Variants in KCNQ1 observed in about 807,000 individuals in gnomAD.
KCNQ1 encodes potassium voltage-gated channel subfamily Q member 1, also known as potassium voltage-gated channel subfamily KQT member 1.
A neutral mutation model predicts 72.4 loss-of-function variants in KCNQ1; 49 were observed. The observed-to-expected ratio is 0.68, with a 90% CI of 0.54 to 0.86. KCNQ1 has a LOEUF of 0.86. Among genes scored for constraint, KCNQ1 ranks in the 40% least tolerant of loss-of-function variants. The pLI is 0.00. For synonymous variants in KCNQ1, 450 were observed against 412.6 expected, an observed-to-expected ratio of 1.09 and a Z score of -1.10; for missense variants, 790 against 945.1, an observed-to-expected ratio of 0.84 and a Z score of 2.15.
chr11:2,834,208 GGGTTGTGTA>G (rs1848016044), intron 15 of KCNQ1, among the ~76,000 whole-genome samples: 1 of 152,134 alleles, frequency 6.6e-6, no homozygotes, highest in South Asian at 2.1e-4. Flanking sequence ...GGCTGGGGCT[GGGTTGTGTA>G]GCATGTGGAG....
At position 2,610,274 on chromosome 11, in the gene KCNQ1, G is replaced by T. The variant is rs1848957802; in HGVS notation, c.1393+21420G>T. ...TGAGATACAGAAGTTATTCCTGTAT[G>T]AGTTTATTCAGTTTTACCACTTTTT... is the stretch of plus-strand genomic sequence containing the variant. On this transcript the variant is annotated intron_variant, in intron 10 of 15. Transcript: ENST00000155840. The T allele has an allele frequency of 7.5e-6, 3 of 397,772 alleles. No homozygotes were observed. The Admixed American group carries it at 1.3e-4, about 18-fold the overall frequency. The allele number at this position is 397,772 out of a possible 1,614,324, so 24.6% of individuals were successfully genotyped here. A position where few individuals can be genotyped will look rare whatever the true frequency, so the allele number is the denominator to read the frequency against.
At position 2,683,055 on chromosome 11, in the gene KCNQ1, A is replaced by T. The variant is rs1850424929; in HGVS notation, c.1514+20974A>T. 2.5e-6 allele frequency: 1 copy of T among 398,672 alleles called. No homozygotes were observed. The allele number at this position is 398,672 out of a possible 1,614,324, so 24.7% of individuals were successfully genotyped here. On this transcript the variant is annotated intron_variant, in intron 11 of 15. Coordinates refer to ENST00000155840, the MANE Select transcript of KCNQ1 (RefSeq NM_000218.3). The surrounding 1 kb of genome is among the most constrained non-coding windows in gnomAD (Gnocchi z 4.7). The stretch of plus-strand genomic sequence containing the variant: ...TGACCTTCTCCCACTTCTTACAGGC[A>T]AGGCTCTTGCTAGCCTGAGGACCAG...
At chr11:2,705,587 CG>C in intron 11 of KCNQ1, among the ~76,000 whole-genome samples, 1 of 152,304 alleles carries the variant, frequency 6.6e-6, no homozygotes, top group South Asian at 2.1e-4. Flanking sequence ...ATCCCAAGCT[CG>C]GGGTGTGTGC....
At chr11:2,778,659 C>A (rs1303464308) in intron 15 of KCNQ1, among the ~76,000 whole-genome samples, 2 of 152,188 alleles carry the variant, frequency 1.3e-5, no homozygotes, top group Non-Finnish European at 2.9e-5. Context: ...TTTCTCGGGC[C>A]CATGGCTGAG....
In KCNQ1 at chr11:2,698,861, C is replaced by G; in HGVS notation, c.1514+36780C>G. 5.0e-6 allele frequency: 2 copies of G among 398,818 alleles called. No individual in the cohort carries two copies. Among genetic ancestry groups the G allele is most frequent in the Middle Eastern group, 1.3e-3 (2 of 1,588 alleles). The allele number at this position is 398,818 out of a possible 1,614,324, so 24.7% of individuals were successfully genotyped here. The stretch of plus-strand genomic sequence containing the variant: ...CCACCATGCGGACTCCAGACCCGGA[C>G]TGACTGGGACCCCAACTACTCAGAT... On this transcript the variant is annotated intron_variant, in intron 11 of 15. Transcript: ENST00000155840. This position sits in a 1 kb window ranked among gnomAD's most constrained non-coding sequence, Gnocchi z 5.1.
At chr11:2,666,644 G>T in intron 11 of KCNQ1, 1 of 398,682 alleles carries the variant, frequency 2.5e-6, no homozygotes, top group South Asian at 1.3e-4. Flanking sequence ...TGGCTTCATG[G>T]ACCAAGGGGC....
chr11:2,559,842 C>T lies in KCNQ1; in HGVS notation c.478-10786C>T, dbSNP rs971792201. Among the ~76,000 whole-genome samples the T allele has an allele frequency of 6.6e-6, 1 of 151,902 alleles. No individual in the cohort carries two copies. The highest frequency in any genetic ancestry group is 2.4e-5 in the African/African-American group (1 of 41,340). On this transcript the variant is annotated intron_variant, in intron 2 of 15. Coordinates refer to ENST00000155840, the MANE Select transcript of KCNQ1 (RefSeq NM_000218.3). This position sits in a 1 kb window ranked among gnomAD's most constrained non-coding sequence, Gnocchi z 4.9. ...GCTGCCTGCTTCCTGGGCAGGGGCT[C>T]CTTCCTCCCTCTCTGTCTCTGGGGT...
chr11:2,574,354 C>G (rs571637013), intron 6 of KCNQ1, among the ~76,000 whole-genome samples: 23 of 151,734 alleles, frequency 1.5e-4, no homozygotes. Context: ...TCACTCAGTC[C>G]GATAACAGGT....
intron 12 of KCNQ1, chr11:2,771,433 A>G (rs1449375723): frequency 6.6e-6 from 1 of 152,266 alleles, no homozygotes; most frequent in Non-Finnish European, 1.5e-5. Context: ...TTGTTGGAGC[A>G]TTCGTTGAAT....
Position 2,767,156 on chromosome 11 carries a change from G to A in KCNQ1, c.1515-1688G>A, listed in dbSNP as rs1373393251. 1.3e-5 allele frequency among the ~76,000 whole-genome samples: 2 copies of A among 151,342 alleles called. No homozygotes were observed. The highest frequency in any genetic ancestry group is 2.9e-5 in the Non-Finnish European group (2 of 67,840). On this transcript the variant is annotated intron_variant, in intron 11 of 15. Coordinates refer to ENST00000155840, the MANE Select transcript of KCNQ1 (RefSeq NM_000218.3). The surrounding 1 kb of genome is among the most constrained non-coding windows in gnomAD (Gnocchi z 4.6). ...GCACTCCAGCCTGGCAATAGAGCGA[G>A]ACTCCATCTATATGTGTGTGTGTGT...
intron 11 of KCNQ1, among the ~76,000 whole-genome samples, chr11:2,733,849 C>CTCTCGCTCTT (rs1564875399): frequency 8.5e-5 from 3 of 35,192 alleles, no homozygotes; most frequent in African/African-American, 3.4e-4. Context: ...CTCTCTCTCT[C>CTCTCGCTCTT]TCTCTCTCCC....
intron 12 of KCNQ1, among the ~76,000 whole-genome samples, chr11:2,770,558 C>T (rs1846577091): frequency 6.6e-6 from 1 of 152,240 alleles, no homozygotes; most frequent in Non-Finnish European, 1.5e-5. Flanking sequence ...GCTGGCCCTC[C>T]CACCTGCATC....
Position 2,592,678 on chromosome 11 carries a change from A to T in KCNQ1, c.1393+3824A>T, listed in dbSNP as rs2133766686. The stretch of plus-strand genomic sequence containing the variant: ...CTTGGCAGTGTCAAAGGGACTGGGG[A>T]CCTGCGAGGATGCGGTGGCCATTGT... On this transcript the variant is annotated intron_variant, in intron 10 of 15. Transcript: ENST00000155840. This position sits in a 1 kb window ranked among gnomAD's most constrained non-coding sequence, Gnocchi z 5.2. Among the ~76,000 whole-genome samples the T allele has an allele frequency of 6.6e-6, 1 of 152,264 alleles. No homozygotes were observed. The highest frequency in any genetic ancestry group is 2.1e-4 in the South Asian group (1 of 4,822).
At position 2,826,631 on chromosome 11, in the gene KCNQ1, C is replaced by T. The variant is rs1382045506; in HGVS notation, c.1795-21136C>T. On this transcript the variant is annotated intron_variant, in intron 15 of 15. Coordinates refer to ENST00000155840, the MANE Select transcript of KCNQ1 (RefSeq NM_000218.3). The surrounding 1 kb of genome is among the most constrained non-coding windows in gnomAD (Gnocchi z 4.2). ...TGGCTGTGGCACAAGAGGGCTGGCCCAGCACACCCAGCCCACCACTGTGCT... is the reference window on the plus strand; with the variant it reads ...TGGCTGTGGCACAAGAGGGCTGGCCTAGCACACCCAGCCCACCACTGTGCT... 1.3e-5 allele frequency among the ~76,000 whole-genome samples: 2 copies of T among 152,236 alleles called. No homozygotes were observed. The highest frequency in any genetic ancestry group is 2.9e-5 in the Non-Finnish European group (2 of 68,028).
intron 6 of KCNQ1, among the ~76,000 whole-genome samples, chr11:2,574,101 G>A (rs2412060): frequency 5.9e-5 from 9 of 152,324 alleles, no homozygotes; most frequent in South Asian, 4.1e-4. Flanking sequence ...TGGGTACCCC[G>A]AGGGGAGTAG....
rs748805548 is a variant in KCNQ1 at position 2,484,796 on chromosome 11, C to A, written c.386+39312C>A. Among the ~76,000 whole-genome samples the A allele has an allele frequency of 6.6e-6, 1 of 152,224 alleles. No homozygotes were observed. The highest frequency in any genetic ancestry group is 1.5e-5 in the Non-Finnish European group (1 of 68,044). ...TGTGTATGGCACCCCCACGTCTACGCTTCTGTGTTCATCTGCAGATATATT... is the reference window on the plus strand; with the variant it reads ...TGTGTATGGCACCCCCACGTCTACGATTCTGTGTTCATCTGCAGATATATT... On this transcript the variant is annotated intron_variant, in intron 1 of 15. Transcript: ENST00000155840. The surrounding 1 kb of genome is among the most constrained non-coding windows in gnomAD (Gnocchi z 5.2).
intron 15 of KCNQ1, among the ~76,000 whole-genome samples, chr11:2,842,077 C>T (rs186895410): frequency 3.3e-5 from 5 of 152,292 alleles, no homozygotes; most frequent in Admixed American, 2.6e-4. Flanking sequence ...CCTCTGGCTG[C>T]TCGGCAGACA....
chr11:2,548,187 G>T (rs1160293452), intron 2 of KCNQ1, among the ~76,000 whole-genome samples: 1 of 152,190 alleles, frequency 6.6e-6, no homozygotes, highest in South Asian at 2.1e-4. Flanking sequence ...GCTCAGACCC[G>T]AGGTCCCAGG....
In KCNQ1 at chr11:2,467,695, C is replaced by T. The variant is rs966714546; in HGVS notation, c.386+22211C>T. Among the ~76,000 whole-genome samples the T allele has an allele frequency of 3.9e-5, 6 of 152,216 alleles. No homozygotes were observed. The East Asian group carries it at 9.7e-4, about 24-fold the overall frequency. On this transcript the variant is annotated intron_variant, in intron 1 of 15. Transcript: ENST00000155840. ...TGAGGTGAGAGACACCTGCCCCCCA[C>T]GTCAATGCCTGGGCACACGGGCCCA...
Sources: allele counts gnomAD v4.1 joint callset (sites outside exome capture counted in the v4.1 genomes callset), GRCh38; gene constraint gnomAD v4.1.1; non-coding constraint Gnocchi (gnomAD v3.1); transcripts MANE v1.5; gene names NCBI Gene and HGNC (gene_info 2026-07-23, HGNC 2026-07-21).